SPAG16: variants seen among roughly 807,000 people sequenced by gnomAD.
SPAG16 encodes the protein sperm associated antigen 16, also known as sperm-associated antigen 16 protein.
A neutral mutation model predicts 80.4 loss-of-function variants in SPAG16; 86 were observed. The observed-to-expected ratio is 1.07, with a 90% CI of 0.90 to 1.28. The LOEUF (loss-of-function observed/expected upper bound fraction) is 1.28. SPAG16 is among the 50% of genes most tolerant of loss of function. The pLI is 0.00. For missense variants in SPAG16, 870 were observed against 765.3 expected, an observed-to-expected ratio of 1.14 and a Z score of -1.61; for synonymous variants, 294 against 265.9, an observed-to-expected ratio of 1.11 and a Z score of -1.03.
chr2:213,505,423 G>GT (rs1026481254), intron 10 of SPAG16, among the ~76,000 whole-genome samples: 32 of 152,060 alleles, frequency 2.1e-4, no homozygotes, highest in African/African-American at 7.0e-4. Context: ...ACAAATGTAT[G>GT]TTTTTTGGTA....
intron 13 of SPAG16, among the ~76,000 whole-genome samples, chr2:214,064,964 AT>A (rs2125198370): frequency 6.6e-6 from 1 of 152,044 alleles, no homozygotes; most frequent in Non-Finnish European, 1.5e-5. Flanking sequence ...TCAAAATAAA[AT>A]TATAAGAATA....
intron 11 of SPAG16, among the ~76,000 whole-genome samples, chr2:213,908,226 T>C (rs1350300235): frequency 6.6e-6 from 1 of 152,108 alleles, no homozygotes; most frequent in Non-Finnish European, 1.5e-5. Context: ...CTCTACACAA[T>C]GCATCCATCC....
chr2:213,929,093 A>T (rs1444916720), intron 11 of SPAG16, among the ~76,000 whole-genome samples: 3 of 138,668 alleles, frequency 2.2e-5, no homozygotes, highest in Non-Finnish European at 4.5e-5. Context: ...GGCTCACTGA[A>T]ACCTCTGTCC....
intron 8 of SPAG16, among the ~76,000 whole-genome samples, chr2:213,373,521 C>T (rs1043465296): frequency 2.6e-5 from 4 of 152,102 alleles, no homozygotes; most frequent in African/African-American, 9.7e-5. Context: ...AAACCATGCC[C>T]TTTTGGATTT....
At chr2:213,834,757 C>A (rs1003124862) in intron 10 of SPAG16, among the ~76,000 whole-genome samples, 1 of 152,088 alleles carries the variant, frequency 6.6e-6, no homozygotes, top group Non-Finnish European at 1.5e-5. Flanking sequence ...TTTGGGGTAT[C>A]ATTTTCTGAG....
In SPAG16 at chr2:214,012,282, A is replaced by ATTTTTTTTTT. The variant is rs1286363943; in HGVS notation, c.1401-1668_1401-1667insTTTTTTTTTT. ...TACATATATATATATATATATATATATATATATTTTTTTTTTTTTTTTTTT... is the reference window on the plus strand; with the variant it reads ...TACATATATATATATATATATATATATTTTTTTTTTTATATATTTTTTTTTTTTTTTTTTT... On this transcript the variant is annotated intron_variant, in intron 12 of 15. Coordinates refer to ENST00000331683, the MANE Select transcript of SPAG16 (RefSeq NM_024532.5). Among the ~76,000 whole-genome samples the ATTTTTTTTTT allele has an allele frequency of 7.5e-4, 38 of 50,676 alleles. 2 individuals are homozygous for ATTTTTTTTTT. Among genetic ancestry groups the ATTTTTTTTTT allele is most frequent in the Admixed American group, 1.7e-3 (7 of 4,018 alleles). The allele number at this position is 50,676 out of a possible 152,430, so 33.2% of individuals were successfully genotyped here.
chr2:213,748,141 A>G (rs1217861576), intron 10 of SPAG16, among the ~76,000 whole-genome samples: 1 of 152,230 alleles, frequency 6.6e-6, no homozygotes, highest in Admixed American at 6.5e-5. Flanking sequence ...ATTTCAGGTT[A>G]CAAAAAATAG....
At chr2:213,288,535 T>C (rs969446337) in intron 1 of SPAG16, among the ~76,000 whole-genome samples, 5 of 151,450 alleles carry the variant, frequency 3.3e-5, no homozygotes, top group Admixed American at 3.3e-4. Context: ...ATGGTCTCGA[T>C]CTCCTGACTT....
intron 9 of SPAG16, among the ~76,000 whole-genome samples, chr2:213,452,408 C>G (rs756820146): frequency 3.9e-5 from 6 of 152,154 alleles, no homozygotes; most frequent in Admixed American, 1.3e-4. Context: ...ATCCCTCACT[C>G]TATATCCAAT....
intron 10 of SPAG16, among the ~76,000 whole-genome samples, chr2:213,771,901 C>G (rs1257015664): frequency 6.6e-6 from 1 of 152,100 alleles, no homozygotes; most frequent in Non-Finnish European, 1.5e-5. Flanking sequence ...CAGCTTTGTT[C>G]TTTTTGCTTA....
intron 12 of SPAG16, among the ~76,000 whole-genome samples, chr2:214,012,280 A>ATTTTTTTTTTT (rs1237894126): frequency 2.8e-4 from 13 of 46,384 alleles, no homozygotes; most frequent in Non-Finnish European, 4.6e-4. Flanking sequence ...ATATATATAT[A>ATTTTTTTTTTT]TATATATATT....
chr2:213,502,338 A>C (rs1418078855), intron 10 of SPAG16, among the ~76,000 whole-genome samples: 1 of 152,008 alleles, frequency 6.6e-6, no homozygotes, highest in African/African-American at 2.4e-5. Context: ...TCCCAGGCTG[A>C]TCTTAAATTC....
chr2:213,985,697 T>G (rs2045965447), intron 12 of SPAG16, among the ~76,000 whole-genome samples: 1 of 152,030 alleles, frequency 6.6e-6, no homozygotes, highest in Admixed American at 6.6e-5. Flanking sequence ...TAATCAGCAC[T>G]CTTAGGGTGT....
At chr2:213,472,633 G>A (rs2073142760) in intron 9 of SPAG16, among the ~76,000 whole-genome samples, 1 of 152,182 alleles carries the variant, frequency 6.6e-6, no homozygotes, top group African/African-American at 2.4e-5. Flanking sequence ...GAGAGCCAAT[G>A]TGAGAGTTCT....
At chr2:213,980,676 T>G (rs2045682221) in intron 12 of SPAG16, among the ~76,000 whole-genome samples, 1 of 142,898 alleles carries the variant, frequency 7.0e-6, no homozygotes. Context: ...ATAGAATATA[T>G]GTGTGTATAT....
intron 13 of SPAG16, among the ~76,000 whole-genome samples, chr2:214,026,742 A>G (rs936117520): frequency 6.6e-6 from 1 of 151,546 alleles, no homozygotes; most frequent in African/African-American, 2.4e-5. Flanking sequence ...TAAATTTACT[A>G]TACAGTAAAT....
At chr2:214,172,364 T>C (rs903578912) in intron 15 of SPAG16, among the ~76,000 whole-genome samples, 6 of 151,988 alleles carry the variant, frequency 3.9e-5, no homozygotes, top group Non-Finnish European at 1.5e-5. Context: ...TTTGTCCTTG[T>C]GATAGTTTAC....
chr2:213,751,116 T>G (rs2068058313), intron 10 of SPAG16, among the ~76,000 whole-genome samples: 1 of 152,192 alleles, frequency 6.6e-6, no homozygotes, highest in African/African-American at 2.4e-5. Context: ...ATATTTTAAA[T>G]TTTATTTACT....
intron 10 of SPAG16, among the ~76,000 whole-genome samples, chr2:213,630,500 CT>C (rs765353623): frequency 1.3e-4 from 19 of 151,996 alleles, no homozygotes; most frequent in Non-Finnish European, 2.5e-4. Context: ...AGTTATATTT[CT>C]TCTAACATTT....
Sources: allele counts gnomAD v4.1 joint callset (sites outside exome capture counted in the v4.1 genomes callset), GRCh38; gene constraint gnomAD v4.1.1; transcripts MANE v1.5; gene names NCBI Gene and HGNC (gene_info 2026-07-23, HGNC 2026-07-21).